Variants in RNF220 observed in about 807,000 individuals in gnomAD.
RNF220 encodes the protein E3 ubiquitin-protein ligase RNF220.
In RNF220, 7 loss-of-function variants were observed where a neutral mutation model predicts 67.1. The observed-to-expected ratio is 0.10, with a 90% CI of 0.06 to 0.20. RNF220 has a LOEUF of 0.20. Ranked by LOEUF, RNF220 falls within the 10% of genes least tolerant of loss-of-function variation. The pLI, the probability that RNF220 is intolerant of heterozygous loss-of-function variation, is 1.00. For missense variants in RNF220, 565 were observed against 740.3 expected (o/e 0.76, Z 2.75); for synonymous variants, 270 against 283.2 (o/e 0.95, Z 0.47).
chr1:44,554,659 C>G (rs1218294454), intron 2 of RNF220, among the ~76,000 whole-genome samples: 1 of 152,140 alleles, frequency 6.6e-6, no homozygotes, highest in African/African-American at 2.4e-5. Flanking sequence ...CTGAAGCAAA[C>G]CTGTGGGGCT....
At chr1:44,512,382 T>C (rs1572727998) in intron 2 of RNF220, among the ~76,000 whole-genome samples, 1 of 152,066 alleles carries the variant, frequency 6.6e-6, no homozygotes, top group African/African-American at 2.4e-5. Context: ...AAAAAAGCCA[T>C]AGGAAGGCCC....
chr1:44,523,879 G>A (rs1209926777), intron 2 of RNF220, among the ~76,000 whole-genome samples: 1 of 152,154 alleles, frequency 6.6e-6, no homozygotes, highest in Non-Finnish European at 1.5e-5. Context: ...AAACCTGCTC[G>A]CCAGTGACCT....
chr1:44,583,630 A>G (rs868281381), intron 2 of RNF220, among the ~76,000 whole-genome samples: 42 of 152,234 alleles, frequency 2.8e-4, no homozygotes, highest in African/African-American at 1.0e-3. Context: ...CACTTCTGTG[A>G]TGTGCTAAGT....
At chr1:44,509,327 G>A (rs1445468591) in intron 2 of RNF220, among the ~76,000 whole-genome samples, 1 of 151,978 alleles carries the variant, frequency 6.6e-6, no homozygotes, top group Non-Finnish European at 1.5e-5. Context: ...CAGGAGGGCA[G>A]ATCACGAGGT....
chr1:44,418,745 T>A (rs1315508890), intron 2 of RNF220, among the ~76,000 whole-genome samples: 2 of 152,152 alleles, frequency 1.3e-5, no homozygotes, highest in Non-Finnish European at 2.9e-5. Context: ...AAAAATAGAA[T>A]TATATTTTTA....
chr1:44,424,864 C>T (rs992220427), intron 2 of RNF220, among the ~76,000 whole-genome samples: 13 of 152,228 alleles, frequency 8.5e-5, no homozygotes, highest in Admixed American at 4.6e-4. Flanking sequence ...GTGTGCGCTG[C>T]GGTGCCCCTT....
In RNF220 at chr1:44,495,177, C is replaced by T. The variant is rs138788846; in HGVS notation, c.625+82455C>T. Reference sequence around the variant, plus strand: ...GCAATGAGCCATGATCATGCCACTGCACTCCAACCTGGACAACAGAGTGAG... The same window carrying T: ...GCAATGAGCCATGATCATGCCACTGTACTCCAACCTGGACAACAGAGTGAG... On this transcript the variant is annotated intron_variant, in intron 2 of 14. Coordinates refer to ENST00000361799, the MANE Select transcript of RNF220 (RefSeq NM_018150.4). Among the ~76,000 whole-genome samples, 1,257 of 151,834 alleles carry T rather than the reference C, an allele frequency of 8.3e-3. 8 individuals carry two copies. The highest frequency in any genetic ancestry group is 0.017 in the Middle Eastern group (5 of 292).
At chr1:44,446,792 C>CAA (rs1340475518) in intron 2 of RNF220, among the ~76,000 whole-genome samples, 9 of 152,178 alleles carry the variant, frequency 5.9e-5, no homozygotes, top group African/African-American at 2.2e-4. Flanking sequence ...CTCCTGACCT[C>CAA]GTGATCTGCC....
intron 2 of RNF220, among the ~76,000 whole-genome samples, chr1:44,515,067 G>A (rs1012109274): frequency 6.6e-6 from 1 of 152,194 alleles, no homozygotes; most frequent in African/African-American, 2.4e-5. Flanking sequence ...AATAAGTTCT[G>A]AAAGGCAAGT....
intron 2 of RNF220, among the ~76,000 whole-genome samples, chr1:44,431,224 G>C (rs1470132821): frequency 6.6e-6 from 1 of 152,152 alleles, no homozygotes; most frequent in East Asian, 1.9e-4. Flanking sequence ...GGCCGGGCGA[G>C]GTGGCTCATG....
chr1:44,591,814 TG>T (rs1666135937), intron 2 of RNF220, among the ~76,000 whole-genome samples: 1 of 152,080 alleles, frequency 6.6e-6, no homozygotes, highest in African/African-American at 2.4e-5. Flanking sequence ...GGGCTGCCTC[TG>T]GGCCTTTGTC....
rs920021881 is a variant in RNF220, at chr1:44,405,493, A to G, written c.-155A>G. 3 of 489,038 alleles carry G rather than the reference A, an allele frequency of 6.1e-6. No individual in the cohort carries two copies. In the African/African-American group the frequency reaches 6.2e-5, roughly 10 times the overall value. 30.3% of individuals were successfully genotyped at this position (489,038 alleles called of 1,614,324 possible). A position where few individuals can be genotyped will look rare whatever the true frequency, so the allele number is the denominator to read the frequency against. On this transcript the variant is annotated 5_prime_UTR_variant, in exon 1 of 15. It removes the in-frame stop codon of an upstream open reading frame in the 5' UTR. Transcript: ENST00000361799. The stretch of plus-strand genomic sequence containing the variant: ...TCCGCCTGCTTCCCTCCGTGTCCTG[A>G]AAAGTGCGACCGTTCTCCCAAGGAA...
chr1:44,608,775 G>A (rs958560701), intron 2 of RNF220, among the ~76,000 whole-genome samples: 1 of 152,186 alleles, frequency 6.6e-6, no homozygotes, highest in African/African-American at 2.4e-5. Flanking sequence ...AACTCCATGG[G>A]GGCCAGAGGA....
chr1:44,427,768 G>A (rs1649944134), intron 2 of RNF220, among the ~76,000 whole-genome samples: 1 of 152,162 alleles, frequency 6.6e-6, no homozygotes, highest in Non-Finnish European at 1.5e-5. Context: ...GGTGTTATAA[G>A]GATTAAATGA....
intron 2 of RNF220, among the ~76,000 whole-genome samples, chr1:44,554,799 C>T (rs1396002722): frequency 6.6e-6 from 1 of 152,096 alleles, no homozygotes; most frequent in Non-Finnish European, 1.5e-5. Context: ...CCTTCACCAC[C>T]CACCTTTTCA....
chr1:44,413,652 G>A (rs1170294519), intron 2 of RNF220, among the ~76,000 whole-genome samples: 1 of 152,218 alleles, frequency 6.6e-6, no homozygotes. Flanking sequence ...TTTATGAACT[G>A]AGGGTGTTTT....
intron 2 of RNF220, among the ~76,000 whole-genome samples, chr1:44,468,888 G>A (rs925693108): frequency 6.6e-6 from 1 of 151,708 alleles, no homozygotes; most frequent in Non-Finnish European, 1.5e-5. Flanking sequence ...CTGCACTCCA[G>A]CCTGGGCAAC....
intron 2 of RNF220, among the ~76,000 whole-genome samples, chr1:44,428,651 A>G (rs1417039680): frequency 6.6e-6 from 1 of 151,874 alleles, no homozygotes; most frequent in East Asian, 1.9e-4. Context: ...CAAACCCCCA[A>G]ACTGGCCTCC....
intron 8 of RNF220, among the ~76,000 whole-genome samples, chr1:44,640,888 C>A (rs1644469970): frequency 6.6e-6 from 1 of 152,210 alleles, no homozygotes; most frequent in Non-Finnish European, 1.5e-5. Flanking sequence ...CGAGACGTTT[C>A]CTTTCTCCCT....
Sources: allele counts gnomAD v4.1 joint callset (sites outside exome capture counted in the v4.1 genomes callset), GRCh38; gene constraint gnomAD v4.1.1; transcripts MANE v1.5; gene names NCBI Gene and HGNC (gene_info 2026-07-23, HGNC 2026-07-21).